ADGRB3: variants seen among roughly 807,000 people sequenced by gnomAD.
ADGRB3 encodes the protein adhesion G protein-coupled receptor B3.
In ADGRB3, 37 loss-of-function variants were observed where a neutral mutation model predicts 193.4. The observed-to-expected ratio is 0.19, with a 90% confidence interval of 0.15 to 0.25. The LOEUF (loss-of-function observed/expected upper bound fraction) is 0.25. ADGRB3 is among the 10% of genes least tolerant of loss of function. ADGRB3 has a pLI of 1.00. For missense variants in ADGRB3, 1,637 were observed against 1,852.9 expected (o/e 0.88, Z 2.14); for synonymous variants, 690 against 644.2 (o/e 1.07, Z -1.08).
intron 8 of ADGRB3, among the ~76,000 whole-genome samples, chr6:68,960,701 T>C (rs1444862078): frequency 6.6e-6 from 1 of 152,130 alleles, no homozygotes; most frequent in Non-Finnish European, 1.5e-5. Flanking sequence ...TTCTTTTGAG[T>C]GCCTCCCTCA....
At chr6:68,777,731 A>T (rs1417504624) in intron 3 of ADGRB3, among the ~76,000 whole-genome samples, 1 of 151,652 alleles carries the variant, frequency 6.6e-6, no homozygotes, top group South Asian at 2.1e-4. Flanking sequence ...ATATCTGTGG[A>T]AAATATTTTA....
intron 16 of ADGRB3, among the ~76,000 whole-genome samples, chr6:69,073,529 G>C (rs185443613): frequency 1.3e-5 from 2 of 152,126 alleles, no homozygotes; most frequent in Non-Finnish European, 2.9e-5. Context: ...AGGGGCCCTC[G>C]GCAAAGCCAG....
At chr6:69,078,766 G>A (rs542603930) in intron 17 of ADGRB3, among the ~76,000 whole-genome samples, 1 of 152,064 alleles carries the variant, frequency 6.6e-6, no homozygotes, top group East Asian at 1.9e-4. Flanking sequence ...TTCACAGCAT[G>A]CATTCCTTTT....
At chr6:68,868,656 A>G (rs1765372207) in intron 3 of ADGRB3, among the ~76,000 whole-genome samples, 1 of 152,182 alleles carries the variant, frequency 6.6e-6, no homozygotes, top group African/African-American at 2.4e-5. Context: ...AAATAATGCT[A>G]TTTATAGATT....
rs1215164290 is a variant in ADGRB3, at chr6:68,954,209, G to T, written c.1196-1815G>T. 2.0e-5 allele frequency among the ~76,000 whole-genome samples: 3 copies of T among 152,206 alleles called. No individual in the cohort carries two copies. The East Asian group carries it at 5.8e-4, about 29-fold the overall frequency. On this transcript the variant is annotated intron_variant, in intron 6 of 31. Transcript: ENST00000370598. ...TCATGTTTCATGTTAAGATGGTATT[G>T]TCTTTAAACATTTATTTATTTATTT...
intron 3 of ADGRB3, among the ~76,000 whole-genome samples, chr6:68,657,101 T>C (rs1167902935): frequency 6.6e-6 from 1 of 151,468 alleles, no homozygotes; most frequent in African/African-American, 2.4e-5. Context: ...TGCTTTATAA[T>C]AGGCTTCCAC....
In ADGRB3 at chr6:68,861,470, G is replaced by A. The variant is rs570121062; in HGVS notation, c.758-69089G>A. The stretch of plus-strand genomic sequence containing the variant: ...CCAGCTGCTCGGGAGGTGGAGGCAG[G>A]AGAATGGCGTGAACCCGGGAGGTGG... On this transcript the variant is annotated intron_variant, in intron 3 of 31. Coordinates refer to ENST00000370598, the MANE Select transcript of ADGRB3 (RefSeq NM_001704.3). Among the ~76,000 whole-genome samples, 9 of 152,154 alleles carry A rather than the reference G, an allele frequency of 5.9e-5. No individual in the cohort carries two copies. In the South Asian group the frequency reaches 1.9e-3, roughly 32 times the overall value.
Position 68,956,150 on chromosome 6 carries a change from G to C in ADGRB3, c.1322G>C (p.Trp441Ser). ...AHGGSECRGP[W>S]AESRECYNPE... Reference sequence around the variant, plus strand: ...GGAGGCTCCGAATGCAGAGGGCCATGGGCAGAAAGCAGAGAGTGCTATAAC... The same window carrying C: ...GGAGGCTCCGAATGCAGAGGGCCATCGGCAGAAAGCAGAGAGTGCTATAAC... Residue 441 changes from tryptophan to serine, a missense_variant, in exon 7 of 32, where the codon TGG becomes TCG. Coordinates refer to ENST00000370598, the MANE Select transcript of ADGRB3 (RefSeq NM_001704.3). 1 of 1,613,820 alleles carries C rather than the reference G, an allele frequency of 6.2e-7. No homozygotes were observed. The highest frequency in any genetic ancestry group is 8.5e-7 in the Non-Finnish European group (1 of 1,179,892).
At chr6:69,256,018 T>A (rs908997907) in intron 20 of ADGRB3, among the ~76,000 whole-genome samples, 3 of 151,982 alleles carry the variant, frequency 2.0e-5, no homozygotes, top group Non-Finnish European at 4.4e-5. Context: ...GTTGTAGATA[T>A]GCGGCATTAT....
chr6:69,339,054 T>C (rs759728383), intron 25 of ADGRB3, 40 bp downstream of exon 25: 2 of 1,597,522 alleles, frequency 1.3e-6, no homozygotes, highest in South Asian at 1.1e-5. Context: ...TACAAATCTT[T>C]TACAGTGCAT....
At chr6:69,163,373 C>G (rs1178262961) in intron 17 of ADGRB3, among the ~76,000 whole-genome samples, 1 of 152,088 alleles carries the variant, frequency 6.6e-6, no homozygotes, top group Non-Finnish European at 1.5e-5. Context: ...ACCTCTATTG[C>G]AACCAGGTAC....
At chr6:69,311,076 C>T (rs916311931) in intron 20 of ADGRB3, among the ~76,000 whole-genome samples, 29 of 151,784 alleles carry the variant, frequency 1.9e-4, no homozygotes, top group African/African-American at 3.9e-4. Context: ...TAGCTTGAGA[C>T]GTATCTTCAA....
chr6:68,813,400 G>C (rs1222408653), intron 3 of ADGRB3, among the ~76,000 whole-genome samples: 1 of 152,030 alleles, frequency 6.6e-6, no homozygotes, highest in Non-Finnish European at 1.5e-5. Flanking sequence ...GGGCTACATT[G>C]GGCTTGCAAG....
At chr6:68,994,953 C>G (rs149520489) in intron 11 of ADGRB3, among the ~76,000 whole-genome samples, 2,939 of 152,172 alleles carry the variant, frequency 0.019, 34 homozygotes, top group Non-Finnish European at 0.031. Flanking sequence ...ATCATGGAGT[C>G]TTTCATAAAT....
intron 3 of ADGRB3, among the ~76,000 whole-genome samples, chr6:68,731,345 A>G (rs1308098175): frequency 2.0e-5 from 3 of 151,624 alleles, no homozygotes; most frequent in African/African-American, 4.8e-5. Context: ...CAATTCATTT[A>G]CAAAAAAAAT....
At chr6:69,382,507 A>G (rs1769970633) in intron 30 of ADGRB3, among the ~76,000 whole-genome samples, 1 of 151,966 alleles carries the variant, frequency 6.6e-6, no homozygotes, top group Admixed American at 6.6e-5. Flanking sequence ...TAAAAATATG[A>G]TAACAGTTTT....
chr6:69,063,748 A>G (rs1771819565), intron 16 of ADGRB3, among the ~76,000 whole-genome samples: 1 of 151,898 alleles, frequency 6.6e-6, no homozygotes, highest in East Asian at 1.9e-4. Context: ...CTGCAGCTGA[A>G]ATGCTTCAGA....
rs76630820 is a variant in ADGRB3, at chr6:69,224,988, A to T, written c.2481-8302A>T. Among the ~76,000 whole-genome samples the T allele has an allele frequency of 5.3e-4, 81 of 152,202 alleles. 1 individual carries two copies. The East Asian group carries it at 9.7e-3, about 18-fold the overall frequency. On this transcript the variant is annotated intron_variant, in intron 17 of 31. Transcript: ENST00000370598. ...TCATTATTCTGAATCAAATTATAAGATTATTTTCTCATCATCACTACATCC... is the reference window on the plus strand; with the variant it reads ...TCATTATTCTGAATCAAATTATAAGTTTATTTTCTCATCATCACTACATCC...
chr6:69,232,976 G>C (rs148764661), intron 17 of ADGRB3: 2 of 431,862 alleles, frequency 4.6e-6, no homozygotes. Flanking sequence ...ACGCTCTGGC[G>C]GCTGCTCGTG....
Sources: gnomAD v4.1 joint callset for allele counts (sites outside exome capture counted in the v4.1 genomes callset) on GRCh38, gnomAD v4.1.1 for gene constraint, MANE v1.5 for transcripts, NCBI Gene and HGNC (gene_info 2026-07-23, HGNC 2026-07-21) for gene names.